The following CLVS1 variants were observed in gnomAD, a reference collection of about 807,000 sequenced individuals.
CLVS1 encodes the protein clavesin-1.
A neutral mutation model predicts 33.1 loss-of-function variants in CLVS1; 10 were observed. That is an observed-to-expected ratio of 0.30 (90% CI 0.19 to 0.51). The LOEUF is 0.51. Among genes scored for constraint, CLVS1 ranks in the 20% least tolerant of loss-of-function variants. The pLI is 0.97. For missense variants in CLVS1, 343 were observed against 433.4 expected (o/e 0.79, Z 1.85); for synonymous variants, 163 against 166.1 (o/e 0.98, Z 0.14).
At chr8:61,190,726 T>A (rs1407149986) in intron 2 of CLVS1, among the ~76,000 whole-genome samples, 1 of 152,090 alleles carries the variant, frequency 6.6e-6, no homozygotes, top group Non-Finnish European at 1.5e-5. Context: ...CAAACTACCA[T>A]CAGATAATAC....
chr8:61,239,354 T>G (rs1808643940), intron 2 of CLVS1, among the ~76,000 whole-genome samples: 1 of 152,220 alleles, frequency 6.6e-6, no homozygotes, highest in Non-Finnish European at 1.5e-5. Context: ...TGTGATTTCT[T>G]TTATTGTTGT....
At chr8:61,495,494 G>A (rs928977911) in intron 5 of CLVS1, among the ~76,000 whole-genome samples, 1 of 152,182 alleles carries the variant, frequency 6.6e-6, no homozygotes, top group Non-Finnish European at 1.5e-5. Context: ...GAAAGGGGAA[G>A]TTTTGAAACA....
At chr8:61,452,898 G>T (rs1318729591) in intron 3 of CLVS1, among the ~76,000 whole-genome samples, 1 of 152,016 alleles carries the variant, frequency 6.6e-6, no homozygotes, top group Non-Finnish European at 1.5e-5. Context: ...TGGAAACTAG[G>T]TCTTGGCATG....
At chr8:61,287,737 A>G (rs775612096), upstream of CLVS1, among the ~76,000 whole-genome samples, 1 of 152,210 alleles carries the variant, frequency 6.6e-6, no homozygotes, top group Non-Finnish European at 1.5e-5. Context: ...TTACACACAC[A>G]CACACAGACA....
Position 61,233,738 on chromosome 8 carries a change from G to A in CLVS1, c.-151-65939G>A, listed in dbSNP as rs373837939. ...CTGGCTGGGAAAAGGGCCTGTGACAGGCACAGTGTCCGTGGAGCCCAAGGA... is the reference window on the plus strand; with the variant it reads ...CTGGCTGGGAAAAGGGCCTGTGACAAGCACAGTGTCCGTGGAGCCCAAGGA... On this transcript the variant is annotated intron_variant, in intron 2 of 2. Transcript: ENST00000522621. Among the ~76,000 whole-genome samples the A allele has an allele frequency of 4.6e-5, 7 of 152,318 alleles. No homozygotes were observed. The South Asian group carries it at 1.0e-3, about 23-fold the overall frequency.
Position 61,365,297 on chromosome 8 carries a change from G to T in CLVS1, c.456-11308G>T, listed in dbSNP as rs1813152081. 2.0e-5 allele frequency among the ~76,000 whole-genome samples: 3 copies of T among 152,144 alleles called. No homozygotes were observed. In the South Asian group the frequency reaches 6.2e-4, roughly 32 times the overall value. ...AATCCCAGTACTTTGGGAGGCCGAG[G>T]CGGGCGGATCACCTGGGTCAGGAGT... On this transcript the variant is annotated intron_variant, in intron 2 of 5. Transcript: ENST00000325897.
chr8:61,155,616 A>T (rs138678967), intron 2 of CLVS1, among the ~76,000 whole-genome samples: 2,516 of 152,230 alleles, frequency 0.017, 29 homozygotes, highest in African/African-American at 0.024. Flanking sequence ...TAACCCCAAA[A>T]TATACATCTT....
chr8:61,275,084 A>G (rs552382849), intron 2 of CLVS1, among the ~76,000 whole-genome samples: 1 of 152,358 alleles, frequency 6.6e-6, no homozygotes, highest in South Asian at 2.1e-4. Context: ...AAGGCTATAA[A>G]TTATTATAAT....
chr8:61,196,200 A>G (rs1807603451), intron 2 of CLVS1, among the ~76,000 whole-genome samples: 1 of 152,190 alleles, frequency 6.6e-6, no homozygotes, highest in Non-Finnish European at 1.5e-5. Context: ...GGATAGAGAC[A>G]AGGTCTTTCT....
At chr8:61,276,618 C>T (rs1323176276) in intron 2 of CLVS1, among the ~76,000 whole-genome samples, 1 of 152,178 alleles carries the variant, frequency 6.6e-6, no homozygotes, top group Non-Finnish European at 1.5e-5. Context: ...CTTCTTTTGG[C>T]TCTATGCACC....
At chr8:61,456,795 G>C (rs1018667754) in intron 4 of CLVS1, among the ~76,000 whole-genome samples, 1 of 151,752 alleles carries the variant, frequency 6.6e-6, no homozygotes, top group Admixed American at 6.6e-5. Context: ...GCAGGTGCCT[G>C]TAATCCCAGC....
At chr8:61,102,739 C>G (rs1190244210) in intron 1 of CLVS1, among the ~76,000 whole-genome samples, 1 of 151,322 alleles carries the variant, frequency 6.6e-6, no homozygotes, top group Non-Finnish European at 1.5e-5. Flanking sequence ...TACTGCCAGG[C>G]CATAAGGGGC....
At chr8:61,136,138 A>G (rs1372373346) in intron 2 of CLVS1, among the ~76,000 whole-genome samples, 1 of 152,236 alleles carries the variant, frequency 6.6e-6, no homozygotes, top group Non-Finnish European at 1.5e-5. Flanking sequence ...TGTGATGTAC[A>G]CTAAGGTTTG....
At chr8:61,267,426 C>T (rs1010776008) in intron 2 of CLVS1, among the ~76,000 whole-genome samples, 14 of 152,170 alleles carry the variant, frequency 9.2e-5, no homozygotes, top group Admixed American at 2.6e-4. Context: ...CATTCTCCAT[C>T]TCCAATACAT....
chr8:61,362,423 A>G (rs1813025745), intron 2 of CLVS1, among the ~76,000 whole-genome samples: 1 of 152,164 alleles, frequency 6.6e-6, no homozygotes, highest in Admixed American at 6.5e-5. Context: ...GGAGTCGGGA[A>G]CCTTGTACCC....
At chr8:61,130,378 CT>C (rs1204953989) in intron 1 of CLVS1, among the ~76,000 whole-genome samples, 1 of 152,072 alleles carries the variant, frequency 6.6e-6, no homozygotes, top group Admixed American at 6.5e-5. Flanking sequence ...GTATGGAGCC[CT>C]TGTGCATACC....
intron 1 of CLVS1, among the ~76,000 whole-genome samples, chr8:61,094,677 C>T (rs1294958741): frequency 2.6e-5 from 4 of 152,128 alleles, no homozygotes; most frequent in African/African-American, 4.8e-5. Context: ...ACTTGACTGG[C>T]GTCCTTGTAG....
At chr8:61,043,494 T>G in the CLVS1 span, among the ~76,000 whole-genome samples, 2 of 152,212 alleles carry the variant, frequency 1.3e-5, no homozygotes, top group African/African-American at 4.8e-5. Flanking sequence ...ATGGCTCCAA[T>G]TACAGCTGCT....
chr8:61,009,809 T>C, the CLVS1 span, among the ~76,000 whole-genome samples: 1 of 152,232 alleles, frequency 6.6e-6, no homozygotes, highest in Non-Finnish European at 1.5e-5. Flanking sequence ...CTGGCTTGTG[T>C]TCTCTTTAAG....
Sources: gnomAD v4.1 joint callset for allele counts (sites outside exome capture counted in the v4.1 genomes callset) on GRCh38, gnomAD v4.1.1 for gene constraint, MANE v1.5 for transcripts, NCBI Gene and HGNC (gene_info 2026-07-23, HGNC 2026-07-21) for gene names.